Variants in PLEKHA3 observed in about 807,000 individuals in gnomAD.
PLEKHA3 encodes pleckstrin homology domain-containing family A member 3.
Under a neutral mutation model 39.2 loss-of-function variants are expected in PLEKHA3, and 19 were observed. That is an observed-to-expected ratio of 0.48 (90% CI 0.34 to 0.71). PLEKHA3 has a LOEUF of 0.71. PLEKHA3 is among the 30% of genes least tolerant of loss of function. The pLI, the probability that PLEKHA3 is intolerant of heterozygous loss-of-function variation, is 0.01. For synonymous variants in PLEKHA3, 97 were observed against 118.6 expected, an observed-to-expected ratio of 0.82 and a Z score of 1.18; for missense variants, 253 against 359.5, an observed-to-expected ratio of 0.70 and a Z score of 2.40.
intron 1 of PLEKHA3, among the ~76,000 whole-genome samples, chr2:178,481,333 T>G (rs887057458): frequency 6.6e-6 from 1 of 152,276 alleles, no homozygotes; most frequent in African/African-American, 2.4e-5. Flanking sequence ...TTCTTTTTTG[T>G]ATTTCTTTTA....
chr2:178,493,437 T>G (rs1290443301), intron 3 of PLEKHA3, among the ~76,000 whole-genome samples: 2 of 152,224 alleles, frequency 1.3e-5, no homozygotes, highest in Non-Finnish European at 2.9e-5. Context: ...ATTACTATCT[T>G]TAATTTGTAA....
intron 1 of PLEKHA3, among the ~76,000 whole-genome samples, chr2:178,484,436 T>C (rs1307099132): frequency 6.6e-6 from 1 of 152,208 alleles, no homozygotes; most frequent in Non-Finnish European, 1.5e-5. Flanking sequence ...ATTTAATCTT[T>C]TTGATGACTC....
intron 2 of PLEKHA3, among the ~76,000 whole-genome samples, chr2:178,488,282 T>C (rs1272530092): frequency 1.3e-5 from 2 of 152,248 alleles, no homozygotes; most frequent in Non-Finnish European, 2.9e-5. Context: ...GTAGTTTATG[T>C]TTTCATTTTG....
Position 178,515,513 on chromosome 2 carries a change from A to G in PLEKHA3, c.*11626A>G, listed in dbSNP as rs1685749004. On this transcript the variant is annotated 3_prime_UTR_variant, in exon 8 of 8. Coordinates refer to ENST00000234453, the MANE Select transcript of PLEKHA3 (RefSeq NM_019091.4). ...AAAATGGCCTTCTTACTATTTCTAT[A>G]TTAGGTATATTATTTCAGAAAAGAA... 6.6e-6 allele frequency: 1 copy of G among 152,096 alleles called. No homozygotes were observed. Among genetic ancestry groups the G allele is most frequent in the Non-Finnish European group, 1.5e-5 (1 of 68,000 alleles). The allele number at this position is 152,096 out of a possible 1,614,324, so 9.4% of individuals were successfully genotyped here.
intron 1 of PLEKHA3, among the ~76,000 whole-genome samples, chr2:178,481,141 T>C (rs1685156310): frequency 6.6e-6 from 1 of 152,172 alleles, no homozygotes; most frequent in African/African-American, 2.4e-5. Flanking sequence ...GTAATAATAC[T>C]AATCCTTGCC....
chr2:178,502,381 GA>G, intron 7 of PLEKHA3: 1 of 425,812 alleles, frequency 2.3e-6, no homozygotes, highest in South Asian at 1.7e-5. Flanking sequence ...GGGGAAGGGA[GA>G]AAGAAACTTT....
At chr2:178,491,005 T>C (rs1199954946) in intron 3 of PLEKHA3, among the ~76,000 whole-genome samples, 191 bp downstream of exon 3, 1 of 145,212 alleles carries the variant, frequency 6.9e-6, no homozygotes, top group Non-Finnish European at 1.5e-5. Context: ...ATAAACTCTT[T>C]CTTTCTTTTT....
At chr2:178,503,527 T>G (rs1255122136) in intron 7 of PLEKHA3, among the ~76,000 whole-genome samples, 1 of 151,998 alleles carries the variant, frequency 6.6e-6, no homozygotes, top group Non-Finnish European at 1.5e-5. Context: ...CAAAAATCTC[T>G]ACTTCAGGCA....
At chr2:178,494,947 A>G (rs1685418087) in intron 4 of PLEKHA3, among the ~76,000 whole-genome samples, 1 of 150,812 alleles carries the variant, frequency 6.6e-6, no homozygotes, top group South Asian at 2.1e-4. Context: ...GGAAACTAGG[A>G]AAAAATGAGC....
chr2:178,495,803 CTG>C lies in PLEKHA3; in HGVS notation c.615+145_615+146del. The stretch of plus-strand genomic sequence containing the variant: ...AACAAGTTGAATTTTTTTGTTTGTA[CTG>C]TTTCATATTCGAGCTTCTTAGCTGA... On this transcript the variant is annotated intron_variant, in intron 5 of 7. Coordinates refer to ENST00000234453, the MANE Select transcript of PLEKHA3 (RefSeq NM_019091.4). 3.4e-6 allele frequency: 3 copies of C among 874,172 alleles called. No homozygotes were observed. In the South Asian group the frequency reaches 5.3e-5, roughly 15 times the overall value. The allele number at this position is 874,172 out of a possible 1,614,324, so 54.2% of individuals were successfully genotyped here. A position where few individuals can be genotyped will look rare whatever the true frequency, so the allele number is the denominator to read the frequency against.
chr2:178,484,579 C>A (rs938388844), intron 1 of PLEKHA3, among the ~76,000 whole-genome samples: 2 of 152,164 alleles, frequency 1.3e-5, no homozygotes, highest in Non-Finnish European at 2.9e-5. Context: ...TCAAATTGAT[C>A]ATGTGGCAGG....
In PLEKHA3 at chr2:178,480,774, C is replaced by G; in HGVS notation, c.-96C>G. 1.8e-6 allele frequency: 2 copies of G among 1,110,842 alleles called. No homozygotes were observed. Among genetic ancestry groups the G allele is most frequent in the Non-Finnish European group, 2.3e-6 (2 of 861,642 alleles). 68.8% of individuals were successfully genotyped at this position (1,110,842 alleles called of 1,614,324 possible). ...CGGCTTCGTGCCGGCGGAGGGGGCC[C>G]GGGCGGGCCGGGAGGGGCTGCCCCA... On this transcript the variant is annotated 5_prime_UTR_variant, in exon 1 of 8. Coordinates refer to ENST00000234453, the MANE Select transcript of PLEKHA3 (RefSeq NM_019091.4).
Position 178,515,677 on chromosome 2 carries a change from A to T in PLEKHA3, c.*11790A>T, listed in dbSNP as rs1348450600. 2.0e-5 allele frequency: 3 copies of T among 152,126 alleles called. No individual in the cohort carries two copies. Among genetic ancestry groups the T allele is most frequent in the Non-Finnish European group, 4.4e-5 (3 of 67,998 alleles). 9.4% of individuals were successfully genotyped at this position (152,126 alleles called of 1,614,324 possible). On this transcript the variant is annotated 3_prime_UTR_variant, in exon 8 of 8. Transcript: ENST00000234453. ...ACCACTCACTAAGTGTTATGTTGCT[A>T]GTATTTATCTTTGCTTTCTAATTAT...
chr2:178,486,852 A>G (rs1419816895), intron 2 of PLEKHA3, among the ~76,000 whole-genome samples: 1 of 152,202 alleles, frequency 6.6e-6, no homozygotes, highest in Non-Finnish European at 1.5e-5. Flanking sequence ...TTTATTGAAC[A>G]TATGTGTGCA....
chr2:178,501,444 C>T lies in PLEKHA3; in HGVS notation c.775+268C>T, dbSNP rs572252162. On this transcript the variant is annotated intron_variant, in intron 7 of 7. Transcript: ENST00000234453. The stretch of plus-strand genomic sequence containing the variant: ...TTTATAGAATATCATGATCTTTTAC[C>T]ACCACTAGGACTTAAAAAACATTTT... 2.0e-5 allele frequency among the ~76,000 whole-genome samples: 3 copies of T among 151,966 alleles called. No individual in the cohort carries two copies. In the South Asian group the frequency reaches 6.2e-4, roughly 32 times the overall value.
chr2:178,489,523 T>C (rs1046703013), intron 2 of PLEKHA3, among the ~76,000 whole-genome samples: 3 of 148,656 alleles, frequency 2.0e-5, no homozygotes, highest in Admixed American at 6.8e-5. Flanking sequence ...AGTGGTATGA[T>C]TGTAGCTCAC....
chr2:178,493,259 A>G (rs1444615660), intron 3 of PLEKHA3, among the ~76,000 whole-genome samples: 3 of 152,240 alleles, frequency 2.0e-5, no homozygotes, highest in Non-Finnish European at 4.4e-5. Flanking sequence ...TGAAAATAGT[A>G]TAATGTGAGA....
rs2154128238 is a variant in PLEKHA3 at position 178,509,987 on chromosome 2, C to T, written c.*6100C>T. On this transcript the variant is annotated 3_prime_UTR_variant, in exon 8 of 8. Coordinates refer to ENST00000234453, the MANE Select transcript of PLEKHA3 (RefSeq NM_019091.4). ...CTGGGTTCAAGCAATTCTCTTGTCTCAGCCTCCTAGGCTACAGGCTAGGAC... is the reference window on the plus strand; with the variant it reads ...CTGGGTTCAAGCAATTCTCTTGTCTTAGCCTCCTAGGCTACAGGCTAGGAC... 6.6e-6 allele frequency: 1 copy of T among 152,316 alleles called. No homozygotes were observed. Among genetic ancestry groups the T allele is most frequent in the East Asian group, 1.9e-4 (1 of 5,184 alleles). The allele number at this position is 152,316 out of a possible 1,614,324, so 9.4% of individuals were successfully genotyped here.
intron 3 of PLEKHA3, 25 bp downstream of exon 3, chr2:178,490,839 G>T: frequency 6.4e-7 from 1 of 1,560,748 alleles, no homozygotes; most frequent in Admixed American, 1.9e-5. Flanking sequence ...TTCCCTTGTG[G>T]TGAGAGTACT....
Sources: allele counts gnomAD v4.1 joint callset (sites outside exome capture counted in the v4.1 genomes callset), GRCh38; gene constraint gnomAD v4.1.1; transcripts MANE v1.5; gene names NCBI Gene and HGNC (gene_info 2026-07-23, HGNC 2026-07-21).